ACTR2: variants seen among roughly 807,000 people sequenced by gnomAD.
ACTR2 encodes the protein actin related protein 2.
ACTR2 carries 5 observed loss-of-function variants against 50.2 expected under a neutral mutation model. The observed-to-expected ratio is 0.10, with a 90% CI of 0.05 to 0.21. The LOEUF is 0.21. Among genes scored for constraint, ACTR2 ranks in the 10% least tolerant of loss-of-function variants. ACTR2 has a pLI of 1.00. For synonymous variants in ACTR2, 140 were observed against 162.9 expected (o/e 0.86, Z 1.07); for missense variants, 180 against 480.6 (o/e 0.37, Z 5.85).
At chr2:65,233,312 GATT>G (rs1053341761) in intron 1 of ACTR2, among the ~76,000 whole-genome samples, 2 of 151,094 alleles carry the variant, frequency 1.3e-5, no homozygotes, top group African/African-American at 2.4e-5. Context: ...TTTTAATACT[GATT>G]ATTATTATTA....
At chr2:65,267,864 T>TTCCTC (rs1672407020) in intron 8 of ACTR2, among the ~76,000 whole-genome samples, 1 of 37,894 alleles carries the variant, frequency 2.6e-5, no homozygotes, top group African/African-American at 1.1e-4. Context: ...CAAGTCCTCT[T>TTCCTC]TTTTTTTTTT....
intron 3 of ACTR2, among the ~76,000 whole-genome samples, chr2:65,247,832 A>G (rs1176491471): frequency 6.6e-6 from 1 of 152,160 alleles, no homozygotes; most frequent in Admixed American, 6.5e-5. Flanking sequence ...TCAGCTGTAG[A>G]TGCTAAAGGC....
rs189981025 is a variant in ACTR2, at chr2:65,249,530, A to G, written c.376-1497A>G. 5.8e-3 allele frequency among the ~76,000 whole-genome samples: 877 copies of G among 152,358 alleles called. 37 individuals carry two copies. The highest frequency in any genetic ancestry group is 0.053 in the Admixed American group (806 of 15,294). On this transcript the variant is annotated intron_variant, in intron 3 of 8. Transcript: ENST00000260641. Reference sequence around the variant, plus strand: ...AGGTGGAATAAAGGATGATGGAATAAAATACTATTCAGACTATCTAATTGC... The same window carrying G: ...AGGTGGAATAAAGGATGATGGAATAGAATACTATTCAGACTATCTAATTGC...
intron 2 of ACTR2, among the ~76,000 whole-genome samples, chr2:65,243,082 C>T (rs867916790): frequency 4.3e-4 from 65 of 152,166 alleles, no homozygotes; most frequent in African/African-American, 1.5e-3. Context: ...AGTTCAAGAC[C>T]AGCCTGACGA....
intron 4 of ACTR2, among the ~76,000 whole-genome samples, chr2:65,253,299 A>G (rs993209434): frequency 6.6e-6 from 1 of 152,018 alleles, no homozygotes. Context: ...AAAATTAGCC[A>G]GGCATGGTGG....
At chr2:65,257,744 T>A (rs1409024843) in intron 6 of ACTR2, among the ~76,000 whole-genome samples, 1 of 152,222 alleles carries the variant, frequency 6.6e-6, no homozygotes, top group East Asian at 1.9e-4. Flanking sequence ...TGTCTTCTTT[T>A]GAAAAGTGTC....
intron 1 of ACTR2, among the ~76,000 whole-genome samples, chr2:65,231,797 G>A (rs1055786654): frequency 2.0e-5 from 3 of 152,174 alleles, no homozygotes; most frequent in Non-Finnish European, 4.4e-5. Context: ...GGCCACATTG[G>A]AAGAGGAATT....
intron 4 of ACTR2, among the ~76,000 whole-genome samples, chr2:65,253,497 C>G (rs1025991891): frequency 1.6e-4 from 24 of 151,656 alleles, no homozygotes; most frequent in Non-Finnish European, 7.4e-5. Context: ...GTCTCAGGGT[C>G]TGTTTCTTCT....
chr2:65,264,240 G>T (rs1171858591), intron 7 of ACTR2, among the ~76,000 whole-genome samples: 1 of 152,152 alleles, frequency 6.6e-6, no homozygotes, highest in African/African-American at 2.4e-5. Context: ...CTTATCACAT[G>T]AATCTGTATT....
At chr2:65,235,915 A>G (rs756342176) in intron 1 of ACTR2, among the ~76,000 whole-genome samples, 1 of 152,212 alleles carries the variant, frequency 6.6e-6, no homozygotes, top group East Asian at 1.9e-4. Context: ...TGTAGTTTCT[A>G]TTAATAAAAT....
intron 6 of ACTR2, among the ~76,000 whole-genome samples, chr2:65,260,729 C>CTTTTTT (rs34258160): frequency 2.3e-5 from 3 of 132,150 alleles, no homozygotes; most frequent in African/African-American, 5.6e-5. Flanking sequence ...CGTGGCATAC[C>CTTTTTT]TTTTTTTTTT....
intron 6 of ACTR2, among the ~76,000 whole-genome samples, chr2:65,258,514 G>A (rs183218664): frequency 4.1e-4 from 63 of 151,966 alleles, no homozygotes; most frequent in Non-Finnish European, 7.5e-4. Context: ...GGAGTTCAAG[G>A]CTCAAGTTTT....
At chr2:65,266,411 G>A (rs1366985144) in intron 8 of ACTR2, among the ~76,000 whole-genome samples, 2 of 152,122 alleles carry the variant, frequency 1.3e-5, no homozygotes, top group Non-Finnish European at 2.9e-5. Context: ...CCAGGTTGGT[G>A]GGAGTGTGCC....
intron 7 of ACTR2, among the ~76,000 whole-genome samples, chr2:65,264,109 C>A (rs750922669): frequency 6.6e-6 from 1 of 152,104 alleles, no homozygotes; most frequent in Non-Finnish European, 1.5e-5. Flanking sequence ...TTCGACGTAC[C>A]TAAAGTGCGG....
chr2:65,260,240 G>A (rs1047412860), intron 6 of ACTR2, among the ~76,000 whole-genome samples: 1 of 152,226 alleles, frequency 6.6e-6, no homozygotes, highest in Non-Finnish European at 1.5e-5. Context: ...AGGCGCAGTG[G>A]TTCATGCTTG....
chr2:65,233,986 C>T (rs774040462), intron 1 of ACTR2, among the ~76,000 whole-genome samples: 1 of 151,762 alleles, frequency 6.6e-6, no homozygotes, highest in Admixed American at 6.6e-5. Context: ...CAAGGCTCAA[C>T]GTAGCCTCAA....
chr2:65,246,888 T>C, intron 3 of ACTR2, 149 bp downstream of exon 3: 1 of 622,506 alleles, frequency 1.6e-6, no homozygotes, highest in African/African-American at 1.9e-5. Flanking sequence ...TAGTCATTAT[T>C]CTAAGTAGGA....
At chr2:65,267,736 C>A (rs1672400042) in intron 8 of ACTR2, among the ~76,000 whole-genome samples, 1 of 151,860 alleles carries the variant, frequency 6.6e-6, no homozygotes, top group Admixed American at 6.6e-5. Flanking sequence ...ATTTTAAGAA[C>A]ATTTCATTTG....
intron 3 of ACTR2, among the ~76,000 whole-genome samples, chr2:65,249,019 AAAAAAG>A (rs148570186): frequency 0.13 from 20,001 of 151,578 alleles, 1,819 homozygotes; most frequent in Non-Finnish European, 0.2. Context: ...TCTCAAAAAG[AAAAAAG>A]AAAAAGAAAA....
Sources: allele counts gnomAD v4.1 joint callset (sites outside exome capture counted in the v4.1 genomes callset), GRCh38; gene constraint gnomAD v4.1.1; transcripts MANE v1.5; gene names NCBI Gene and HGNC (gene_info 2026-07-23, HGNC 2026-07-21).